The following AP1AR variants were observed in gnomAD, a reference collection of about 807,000 sequenced individuals.
AP1AR encodes adaptor related protein complex 1 associated regulatory protein, also known as AP-1 complex-associated regulatory protein.
AP1AR carries 29 observed loss-of-function variants against 46.3 expected under a neutral mutation model. The observed-to-expected ratio is 0.63, with a 90% confidence interval of 0.47 to 0.85. The LOEUF is 0.85. AP1AR is among the 40% of genes least tolerant of loss of function. AP1AR has a pLI of 0.00. For missense variants in AP1AR, 357 were observed against 356.3 expected (o/e 1.00, Z -0.02); for synonymous variants, 122 against 122.9 (o/e 0.99, Z 0.05).
intron 1 of AP1AR, among the ~76,000 whole-genome samples, chr4:112,237,420 C>G (rs1366048380): frequency 6.6e-6 from 1 of 150,528 alleles, no homozygotes; most frequent in Non-Finnish European, 1.5e-5. Flanking sequence ...ACAGTGTTTT[C>G]TAACCCTGTG....
At chr4:112,241,453 CG>C (rs1407024113) in intron 1 of AP1AR, among the ~76,000 whole-genome samples, 1 of 152,158 alleles carries the variant, frequency 6.6e-6, no homozygotes, top group African/African-American at 2.4e-5. Context: ...AGTTCATGGG[CG>C]GAAGACCAGT....
At chr4:112,255,851 A>G (rs941848284) in intron 3 of AP1AR, among the ~76,000 whole-genome samples, 1 of 152,202 alleles carries the variant, frequency 6.6e-6, no homozygotes, top group African/African-American at 2.4e-5. Flanking sequence ...GTATAGTTAG[A>G]ACTTTAGTTT....
intron 3 of AP1AR, among the ~76,000 whole-genome samples, chr4:112,255,585 T>C (rs1369546562): frequency 6.6e-6 from 1 of 152,194 alleles, no homozygotes; most frequent in Non-Finnish European, 1.5e-5. Flanking sequence ...GCCTATTCTT[T>C]ATAGTTTTCA....
chr4:112,242,881 G>A (rs1725570323), intron 1 of AP1AR, among the ~76,000 whole-genome samples: 1 of 152,202 alleles, frequency 6.6e-6, no homozygotes, highest in Non-Finnish European at 1.5e-5. Context: ...CAGCTCACAG[G>A]ACCATAAGAA....
intron 1 of AP1AR, among the ~76,000 whole-genome samples, chr4:112,234,658 G>GT (rs774999279): frequency 0.38 from 54,183 of 141,338 alleles, 11,337 homozygotes; most frequent in South Asian, 0.59. Flanking sequence ...TCTTATTTTA[G>GT]TTTTTTTTTT....
At chr4:112,249,518 G>T (rs1242397048) in intron 1 of AP1AR, among the ~76,000 whole-genome samples, 2 of 151,906 alleles carry the variant, frequency 1.3e-5, no homozygotes, top group African/African-American at 4.8e-5. Flanking sequence ...TTAGCCGGGT[G>T]TGGTGGTGGG....
intron 5 of AP1AR, among the ~76,000 whole-genome samples, chr4:112,261,829 G>T (rs1371689596): frequency 6.6e-5 from 10 of 151,790 alleles, no homozygotes; most frequent in African/African-American, 2.4e-4. Flanking sequence ...AATTAGCCGG[G>T]TATGGTAGCA....
At chr4:112,234,981 A>G (rs1429815402) in intron 1 of AP1AR, among the ~76,000 whole-genome samples, 1 of 152,222 alleles carries the variant, frequency 6.6e-6, no homozygotes, top group Non-Finnish European at 1.5e-5. Flanking sequence ...TTTCCAGTTT[A>G]TAAAATACTA....
At chr4:112,239,759 C>T (rs1725400795) in intron 1 of AP1AR, among the ~76,000 whole-genome samples, 1 of 152,224 alleles carries the variant, frequency 6.6e-6, no homozygotes, top group South Asian at 2.1e-4. Flanking sequence ...TGGCGCTTAC[C>T]ACTCCATGAC....
chr4:112,269,279 A>G lies in AP1AR; in HGVS notation c.*870A>G, dbSNP rs1467091177. 6.6e-6 allele frequency: 1 copy of G among 152,314 alleles called. No individual in the cohort carries two copies. The highest frequency in any genetic ancestry group is 1.5e-5 in the Non-Finnish European group (1 of 67,862). 9.4% of individuals were successfully genotyped at this position (152,314 alleles called of 1,614,324 possible). A position where few individuals can be genotyped will look rare whatever the true frequency, so the allele number is the denominator to read the frequency against. Reference sequence around the variant, plus strand: ...ATGATTTCAGAAAAGAAAATCTAAAAAGGTAATACGGGTATTTCAAATAAA... The same window carrying G: ...ATGATTTCAGAAAAGAAAATCTAAAGAGGTAATACGGGTATTTCAAATAAA... On this transcript the variant is annotated 3_prime_UTR_variant, in exon 10 of 10. Transcript: ENST00000274000.
chr4:112,260,749 C>G lies in AP1AR; in HGVS notation c.186-17C>G. On this transcript the variant is annotated splice_polypyrimidine_tract_variant and intron_variant, in intron 4 of 9. Coordinates refer to ENST00000274000, the MANE Select transcript of AP1AR (RefSeq NM_018569.6). ...GTTTTTGTTTTTTCTTTTTCTCCTC[C>G]TCCTTTTTTTCTCTAGGCCTCTTAC... 2 of 1,519,456 alleles carry G rather than the reference C, an allele frequency of 1.3e-6. No individual in the cohort carries two copies. The highest frequency in any genetic ancestry group is 8.9e-7 in the Non-Finnish European group (1 of 1,124,694). 94.1% of individuals were successfully genotyped at this position (1,519,456 alleles called of 1,614,324 possible).
intron 1 of AP1AR, among the ~76,000 whole-genome samples, chr4:112,235,621 T>TTA (rs1452405535): frequency 6.6e-6 from 1 of 152,100 alleles, no homozygotes; most frequent in Non-Finnish European, 1.5e-5. Flanking sequence ...AGTATATATA[T>TTA]TATATATATT....
intron 6 of AP1AR, among the ~76,000 whole-genome samples, chr4:112,264,178 C>T (rs1051389139): frequency 6.6e-6 from 1 of 151,808 alleles, no homozygotes; most frequent in Non-Finnish European, 1.5e-5. Context: ...TAACTTTTAC[C>T]TTCTACTAAG....
At chr4:112,239,440 C>T (rs1049162961) in intron 1 of AP1AR, among the ~76,000 whole-genome samples, 6 of 152,156 alleles carry the variant, frequency 3.9e-5, no homozygotes, top group African/African-American at 1.4e-4. Context: ...TCTTCTCAGT[C>T]ATGACATTTT....
chr4:112,247,518 TG>T (rs913943006), intron 1 of AP1AR, among the ~76,000 whole-genome samples: 23 of 152,314 alleles, frequency 1.5e-4, no homozygotes, highest in African/African-American at 5.3e-4. Context: ...TCTTGGTAAA[TG>T]ACAAATCCAT....
intron 7 of AP1AR, 71 bp downstream of exon 7, chr4:112,265,138 C>T (rs1726646250): frequency 2.6e-5 from 31 of 1,212,600 alleles, no homozygotes; most frequent in Non-Finnish European, 2.9e-5. Flanking sequence ...GCATCATTCA[C>T]CTCAAGATGT....
intron 1 of AP1AR, among the ~76,000 whole-genome samples, chr4:112,246,229 G>T (rs186115008): frequency 1.3e-5 from 2 of 152,254 alleles, no homozygotes; most frequent in East Asian, 3.9e-4. Context: ...TTTTAGGCTG[G>T]GTGTGGTGGC....
rs1485042210 is a variant in AP1AR, at chr4:112,267,122, T to G, written c.643+406T>G. The stretch of plus-strand genomic sequence containing the variant: ...TATTAGTATCTAGCTCATATTTTTT[T>G]CTTATCTATAGAAATAACTTGTTTT... On this transcript the variant is annotated intron_variant, in intron 9 of 9. Coordinates refer to ENST00000274000, the MANE Select transcript of AP1AR (RefSeq NM_018569.6). Among the ~76,000 whole-genome samples the G allele has an allele frequency of 1.3e-5, 2 of 151,928 alleles. 1 individual carries two copies. Among genetic ancestry groups the G allele is most frequent in the Non-Finnish European group, 2.9e-5 (2 of 67,832 alleles).
intron 1 of AP1AR, among the ~76,000 whole-genome samples, chr4:112,232,648 A>G (rs762025184): frequency 2.0e-5 from 3 of 152,202 alleles, no homozygotes; most frequent in Non-Finnish European, 4.4e-5. Flanking sequence ...AGTCATTTGG[A>G]TGCTGGAGTA....
Sources: allele counts gnomAD v4.1 joint callset (sites outside exome capture counted in the v4.1 genomes callset), GRCh38; gene constraint gnomAD v4.1.1; transcripts MANE v1.5; gene names NCBI Gene and HGNC (gene_info 2026-07-23, HGNC 2026-07-21).